Variants in CASTOR2 observed in about 807,000 individuals in gnomAD.
CASTOR2 encodes GATS protein like 2.
Under a neutral mutation model 31.2 loss-of-function variants are expected in CASTOR2, and 8 were observed. That is an observed-to-expected ratio of 0.26 (90% CI 0.15 to 0.46). The LOEUF (loss-of-function observed/expected upper bound fraction) is 0.46. CASTOR2 is among the 20% of genes least tolerant of loss of function. CASTOR2 has a pLI of 0.99. For missense variants in CASTOR2, 216 were observed against 382.1 expected (o/e 0.57, Z 3.62); for synonymous variants, 162 against 158.7 (o/e 1.02, Z -0.16).
At chr7:75,011,892 G>A (rs1343948066) in intron 2 of CASTOR2, among the ~76,000 whole-genome samples, 3 of 151,532 alleles carry the variant, frequency 2.0e-5, no homozygotes, top group Non-Finnish European at 2.9e-5. Context: ...GCTTGAACCC[G>A]GGAGGTGGAG....
chr7:75,028,850 T>C lies in CASTOR2; in HGVS notation c.*4151T>C, dbSNP rs1805217392. Among the ~76,000 whole-genome samples, 1 of 152,170 alleles carries C rather than the reference T, an allele frequency of 6.6e-6. No individual in the cohort carries two copies. Among genetic ancestry groups the C allele is most frequent in the South Asian group, 2.1e-4 (1 of 4,824 alleles). ...GGCTTGCAGGCCTGACCCTGGTAGC[T>C]TCCCCTCCCCAAGATTCAGAGGCGG... On this transcript the variant is annotated 3_prime_UTR_variant, in exon 9 of 9. Transcript: ENST00000616305.
chr7:74,996,240 G>A (rs1804343896), intron 1 of CASTOR2, among the ~76,000 whole-genome samples: 1 of 152,082 alleles, frequency 6.6e-6, no homozygotes, highest in Non-Finnish European at 1.5e-5. Context: ...GGGGCCAGCC[G>A]AGGGGCCCCC....
intron 1 of CASTOR2, 95 bp from the exon 2 acceptor site, chr7:75,007,899 T>G: frequency 6.3e-7 from 1 of 1,588,110 alleles, no homozygotes; most frequent in Non-Finnish European, 8.6e-7. Flanking sequence ...GAACTCTGGG[T>G]GAACTGAGTC....
In CASTOR2 at chr7:74,996,604, A is replaced by G. The variant is rs1804352501; in HGVS notation, c.114-11390A>G. 2.7e-5 allele frequency among the ~76,000 whole-genome samples: 4 copies of G among 150,814 alleles called. No homozygotes were observed. The Admixed American group carries it at 2.7e-4, about 10-fold the overall frequency. ...TGGTGTAAGGAACACAGAAGGTTGA[A>G]TGAGCTTCTGGTTATGTCAGGGAAA... On this transcript the variant is annotated intron_variant, in intron 1 of 8. Transcript: ENST00000616305.
At position 75,020,089 on chromosome 7, in the gene CASTOR2, TCTC is replaced by T; in HGVS notation, c.689_691del (p.Ser230del). 6.4e-7 allele frequency: 1 copy of T among 1,551,420 alleles called. No individual in the cohort carries two copies. Among genetic ancestry groups the T allele is most frequent in the Non-Finnish European group, 8.7e-7 (1 of 1,146,804 alleles). ...GATGACTGCGGCCACATCCGCTTCT[TCTC>T]CTTCTCCCTCATCGAGGGCTACATC... is the stretch of plus-strand genomic sequence containing the variant. On this transcript the variant is annotated inframe_deletion, in exon 6 of 9. Coordinates refer to ENST00000616305, the MANE Select transcript of CASTOR2 (RefSeq NM_001145064.3).
chr7:75,010,802 T>C lies in CASTOR2; in HGVS notation c.184+2738T>C, dbSNP rs1804725062. ...GTCAGCAAACCAGGCTGCTTAGAAA[T>C]CTATTATTGCCCAAGAAAAAAAAAA... On this transcript the variant is annotated intron_variant, in intron 2 of 8. Coordinates refer to ENST00000616305, the MANE Select transcript of CASTOR2 (RefSeq NM_001145064.3). 3.3e-5 allele frequency among the ~76,000 whole-genome samples: 5 copies of C among 151,778 alleles called. No individual in the cohort carries two copies. In the South Asian group the frequency reaches 1.0e-3, roughly 32 times the overall value.
intron 1 of CASTOR2, among the ~76,000 whole-genome samples, chr7:74,998,665 C>T (rs1804416485): frequency 6.6e-6 from 1 of 151,096 alleles, no homozygotes; most frequent in Non-Finnish European, 1.5e-5. Flanking sequence ...ATGGATATCA[C>T]CATGGCTAGG....
At position 75,024,548 on chromosome 7, in the gene CASTOR2, G is replaced by A. The variant is rs1383472675; in HGVS notation, c.924+14G>A. The stretch of plus-strand genomic sequence containing the variant: ...GATCATGCACTTGTGAGTGTCCAGC[G>A]CCAGACCCCTCCAGGGCAGGGCCGG... On this transcript the variant is annotated intron_variant, in intron 8 of 8. Transcript: ENST00000616305. The A allele has an allele frequency of 1.4e-5, 21 of 1,551,414 alleles. No individual in the cohort carries two copies. The highest frequency in any genetic ancestry group is 1.7e-5 in the Non-Finnish European group (20 of 1,146,848).
rs1391845220 is a variant in CASTOR2, at chr7:75,030,947, C to T, written c.*6248C>T. ...GGTCCAGAAGAATTGGAGACCCCTG[C>T]CCCTCACCCAAACTTTGGAGGTGGC... is the stretch of plus-strand genomic sequence containing the variant. On this transcript the variant is annotated 3_prime_UTR_variant, in exon 9 of 9. Coordinates refer to ENST00000616305, the MANE Select transcript of CASTOR2 (RefSeq NM_001145064.3). 6.6e-6 allele frequency among the ~76,000 whole-genome samples: 1 copy of T among 152,182 alleles called. No individual in the cohort carries two copies. The highest frequency in any genetic ancestry group is 6.5e-5 in the Admixed American group (1 of 15,274).
intron 1 of CASTOR2, among the ~76,000 whole-genome samples, chr7:74,983,619 C>T (rs868956294): frequency 1.3e-5 from 2 of 151,664 alleles, no homozygotes; most frequent in African/African-American, 2.4e-5. Flanking sequence ...CCTGCCCTGA[C>T]CCCCTCTGCA....
At chr7:75,021,990 G>A in intron 7 of CASTOR2, 34 bp downstream of exon 7, 1 of 1,549,414 alleles carries the variant, frequency 6.5e-7, no homozygotes, top group South Asian at 1.2e-5. Context: ...GGGAATTGAG[G>A]GAGCTGGCAT....
intron 1 of CASTOR2, among the ~76,000 whole-genome samples, chr7:74,996,716 T>TC (rs1804357472): frequency 2.0e-5 from 1 of 49,334 alleles, no homozygotes; most frequent in Non-Finnish European, 4.4e-5. Context: ...TGCCTGGTGC[T>TC]TTTTTTTTTT....
At chr7:75,013,202 G>GC (rs1196436829) in intron 2 of CASTOR2, among the ~76,000 whole-genome samples, 1 of 152,214 alleles carries the variant, frequency 6.6e-6, no homozygotes, top group African/African-American at 2.4e-5. Flanking sequence ...CTTAACATGA[G>GC]CCAGGGTGTG....
intron 1 of CASTOR2, among the ~76,000 whole-genome samples, chr7:74,982,311 C>G (rs1803964702): frequency 6.7e-6 from 1 of 149,700 alleles, no homozygotes; most frequent in Admixed American, 6.7e-5. Flanking sequence ...CTGCTTCACT[C>G]TTCCCCTTTC....
intron 2 of CASTOR2, among the ~76,000 whole-genome samples, chr7:75,016,084 T>G (rs1192582212): frequency 3.3e-5 from 5 of 151,868 alleles, no homozygotes; most frequent in Non-Finnish European, 5.9e-5. Context: ...AAATCCTGCC[T>G]CCTTGTGGGA....
At chr7:74,975,376 G>A (rs1161298366) in intron 1 of CASTOR2, among the ~76,000 whole-genome samples, 78 of 148,574 alleles carry the variant, frequency 5.2e-4, no homozygotes, top group African/African-American at 1.9e-3. Context: ...TTCCCAAAGT[G>A]CTGGGATTAC....
intron 1 of CASTOR2, among the ~76,000 whole-genome samples, chr7:74,993,728 GGT>G (rs1804267912): frequency 6.6e-6 from 1 of 151,038 alleles, no homozygotes; most frequent in Non-Finnish European, 1.5e-5. Flanking sequence ...TGGGATTGCA[GGT>G]GTGAGCCACC....
chr7:74,988,188 G>C (rs183763479), intron 1 of CASTOR2, among the ~76,000 whole-genome samples: 99,799 of 150,604 alleles, frequency 0.66, 35,702 homozygotes, highest in East Asian at 0.93. Flanking sequence ...GGAGTTCAGT[G>C]GTGCCATCTC....
At chr7:74,993,595 C>T (rs1276144729) in intron 1 of CASTOR2, among the ~76,000 whole-genome samples, 6 of 151,706 alleles carry the variant, frequency 4.0e-5, no homozygotes, top group East Asian at 1.9e-4. Flanking sequence ...AGATTACAGG[C>T]ACCTGCTACC....
Sources: allele counts gnomAD v4.1 joint callset (sites outside exome capture counted in the v4.1 genomes callset), GRCh38; gene constraint gnomAD v4.1.1; transcripts MANE v1.5; gene names NCBI Gene and HGNC (gene_info 2026-07-23, HGNC 2026-07-21).